CHMP5: variants seen among roughly 807,000 people sequenced by gnomAD.
The protein encoded by CHMP5 is SNF7 domain containing 2.
A neutral mutation model predicts 33.0 loss-of-function variants in CHMP5; 17 were observed. The observed-to-expected ratio is 0.52, with a 90% CI of 0.35 to 0.77. The LOEUF (loss-of-function observed/expected upper bound fraction) is 0.77. Among genes scored for constraint, CHMP5 ranks in the 30% least tolerant of loss-of-function variants. The probability of loss-of-function intolerance (pLI) is 0.01; values close to 1 mark genes in which losing one functional copy is unlikely to be tolerated. For synonymous variants in CHMP5, 76 were observed against 90.2 expected, an observed-to-expected ratio of 0.84 and a Z score of 0.89; for missense variants, 216 against 261.5, an observed-to-expected ratio of 0.83 and a Z score of 1.20.
intron 5 of CHMP5, among the ~76,000 whole-genome samples, chr9:33,275,706 G>A (rs75620225): frequency 0.022 from 3,380 of 152,192 alleles, 147 homozygotes; most frequent in African/African-American, 0.077. Flanking sequence ...GGGCTTCCAT[G>A]AGGCACTTTA....
At chr9:33,280,763 A>G in intron 7 of CHMP5, 46 bp from the exon 8 acceptor site, 1 of 1,437,106 alleles carries the variant, frequency 7.0e-7, no homozygotes, top group African/African-American at 1.5e-5. Context: ...TTTTTTTTTT[A>G]TCAAATAGAA....
At position 33,275,719 on chromosome 9, in the gene CHMP5, A is replaced by G. The variant is rs548877395; in HGVS notation, c.388-737A>G. ...TTGGGCTTCCATGAGGCACTTTAAAATCAAATCCAGCCGGGCACAGTAGCT... is the reference window on the plus strand; with the variant it reads ...TTGGGCTTCCATGAGGCACTTTAAAGTCAAATCCAGCCGGGCACAGTAGCT... On this transcript the variant is annotated intron_variant, in intron 5 of 7. Coordinates refer to ENST00000223500, the MANE Select transcript of CHMP5 (RefSeq NM_016410.6). Among the ~76,000 whole-genome samples, 4 of 152,078 alleles carry G rather than the reference A, an allele frequency of 2.6e-5. 1 individual carries two copies. Among genetic ancestry groups the G allele is most frequent in the South Asian group, 4.1e-4 (2 of 4,822 alleles).
At chr9:33,275,543 A>G (rs576049265) in intron 5 of CHMP5, among the ~76,000 whole-genome samples, 1 of 152,318 alleles carries the variant, frequency 6.6e-6, no homozygotes, top group African/African-American at 2.4e-5. Context: ...TGACTTGAGA[A>G]GAATAATTTG....
At chr9:33,266,191 G>T in intron 2 of CHMP5, 77 bp downstream of exon 2, 1 of 948,958 alleles carries the variant, frequency 1.1e-6, no homozygotes, top group Non-Finnish European at 1.7e-6. Context: ...GGCCTAGTTC[G>T]GCTGGGCGCA....
Position 33,271,164 on chromosome 9 carries a change from A to G in CHMP5, c.328A>G (p.Lys110Glu). The change falls in exon 5 of 8, where the codon AAA (lysine) becomes GAA (glutamate). Residue 110 changes from lysine to glutamate, a missense_variant. Physicochemically the swap from Lys to Glu is moderately conservative, Grantham distance 56. Transcript: ENST00000223500. The stretch of plus-strand genomic sequence containing the variant: ...TTCCTTTTCTTAGGTTGATGCTATG[A>G]AACTGGGAGTAAAGGAAATGAAGAA... ...KDTKTTVDAM[K>E]LGVKEMKKAY... The G allele has an allele frequency of 1.2e-6, 2 of 1,613,436 alleles. No homozygotes were observed. The highest frequency in any genetic ancestry group is 1.7e-6 in the Non-Finnish European group (2 of 1,179,290).
At chr9:33,274,171 G>C (rs1281732561) in intron 5 of CHMP5, among the ~76,000 whole-genome samples, 2 of 151,964 alleles carry the variant, frequency 1.3e-5, no homozygotes, top group African/African-American at 2.4e-5. Flanking sequence ...TGCCTCCCAG[G>C]CTCAAGCCAT....
At position 33,267,898 on chromosome 9, in the gene CHMP5, A is replaced by T. The variant is rs770488076; in HGVS notation, c.220A>T (p.Met74Leu). 2.5e-6 allele frequency: 4 copies of T among 1,605,868 alleles called. No homozygotes were observed. The South Asian group carries it at 3.3e-5, about 13-fold the overall frequency. The change falls in exon 3 of 8, where the codon ATG becomes TTG. Residue 74 changes from methionine to leucine, a missense_variant and splice_region_variant. Physicochemically the swap from Met to Leu is conservative, Grantham distance 15. Transcript: ENST00000223500. Reference protein sequence around the residue: ...KALRVLKQKRMYEQQRDNLAQ... With the variant: ...KALRVLKQKRLYEQQRDNLAQ... ...CTTGCGAGTTTTAAAGCAAAAGAGG[A>T]TGTAAGTTACACACACAATTTCTAC...
rs1820719083 is a variant in CHMP5, at chr9:33,266,126, A to C, written c.174+12A>C. On this transcript the variant is annotated intron_variant, in intron 2 of 7. Coordinates refer to ENST00000223500, the MANE Select transcript of CHMP5 (RefSeq NM_016410.6). ...AGGGTCCTGCAAAGGTAAGGTGGGC[A>C]GCAACTGCTGCACAAGGTGCTGGCA... The C allele has an allele frequency of 5.1e-6, 8 of 1,571,460 alleles. No individual in the cohort carries two copies. The highest frequency in any genetic ancestry group is 6.1e-6 in the Non-Finnish European group (7 of 1,141,996).
Position 33,281,162 on chromosome 9 carries a change from T to G in CHMP5, c.*303T>G, listed in dbSNP as rs145682852. On this transcript the variant is annotated 3_prime_UTR_variant, in exon 8 of 8. Transcript: ENST00000223500. ...TTGAAATAAAACTAAGGAAATGGAA[T>G]CTTAAAAGTCTATGACAGTGTAACT... is the stretch of plus-strand genomic sequence containing the variant. The G allele has an allele frequency of 7.0e-6, 2 of 287,362 alleles. No homozygotes were observed. Among genetic ancestry groups the G allele is most frequent in the Non-Finnish European group, 6.4e-6 (1 of 155,096 alleles). The allele number at this position is 287,362 out of a possible 1,614,324, so 17.8% of individuals were successfully genotyped here. A position where few individuals can be genotyped will look rare whatever the true frequency, so the allele number is the denominator to read the frequency against.
chr9:33,279,560 T>A (rs1197968), intron 7 of CHMP5, among the ~76,000 whole-genome samples: 2 of 152,126 alleles, frequency 1.3e-5, no homozygotes, highest in Non-Finnish European at 2.9e-5. Context: ...TTGTTAATTT[T>A]CTAGTAACAA....
Position 33,280,996 on chromosome 9 carries a change from T to C in CHMP5, c.*137T>C, listed in dbSNP as rs1273521614. 3.5e-6 allele frequency: 2 copies of C among 568,194 alleles called. No homozygotes were observed. Among genetic ancestry groups the C allele is most frequent in the Non-Finnish European group, 6.0e-6 (2 of 335,716 alleles). The allele number at this position is 568,194 out of a possible 1,614,324, so 35.2% of individuals were successfully genotyped here. A position where few individuals can be genotyped will look rare whatever the true frequency, so the allele number is the denominator to read the frequency against. Reference sequence around the variant, plus strand: ...GGAAAGTTTAATTACATTGCTCTTTTATTTTTTCCATTAAGAGACTCATTG... The same window carrying C: ...GGAAAGTTTAATTACATTGCTCTTTCATTTTTTCCATTAAGAGACTCATTG... On this transcript the variant is annotated 3_prime_UTR_variant, in exon 8 of 8. Coordinates refer to ENST00000223500, the MANE Select transcript of CHMP5 (RefSeq NM_016410.6).
intron 5 of CHMP5, among the ~76,000 whole-genome samples, chr9:33,274,498 T>A (rs1393348292): frequency 2.0e-5 from 3 of 152,236 alleles, no homozygotes; most frequent in Non-Finnish European, 4.4e-5. Flanking sequence ...ATGAAGAGTG[T>A]ATTGTTGTTC....
chr9:33,280,694 TG>T lies in CHMP5; in HGVS notation c.610-113del, dbSNP rs1820911549. On this transcript the variant is annotated intron_variant, in intron 7 of 7. Transcript: ENST00000223500. ...TGTTCTCATCTTATGACTGCGATTT[TG>T]GTTTTGATTGATTAAATACTTGGAA... 26 of 884,022 alleles carry T rather than the reference TG, an allele frequency of 2.9e-5. No homozygotes were observed. The South Asian group carries it at 4.2e-4, about 14-fold the overall frequency. 54.8% of individuals were successfully genotyped at this position (884,022 alleles called of 1,614,324 possible).
At chr9:33,279,659 C>T (rs1428029941) in intron 7 of CHMP5, among the ~76,000 whole-genome samples, 2 of 151,856 alleles carry the variant, frequency 1.3e-5, no homozygotes, top group East Asian at 2.0e-4. Flanking sequence ...GTCAAGAGAT[C>T]GAGACCATCC....
intron 3 of CHMP5, among the ~76,000 whole-genome samples, chr9:33,269,364 C>T (rs1183388814): frequency 2.6e-5 from 4 of 152,158 alleles, no homozygotes; most frequent in East Asian, 3.9e-4. Flanking sequence ...ATTAGCTGGG[C>T]GTGTTTGCAT....
intron 3 of CHMP5, among the ~76,000 whole-genome samples, chr9:33,268,666 A>C (rs751306773): frequency 5.9e-5 from 9 of 152,224 alleles, no homozygotes; most frequent in Non-Finnish European, 8.8e-5. Context: ...GAAATGATTT[A>C]CCTTCTTAAT....
chr9:33,271,808 ATC>A (rs1178611460), intron 5 of CHMP5, among the ~76,000 whole-genome samples: 1 of 152,230 alleles, frequency 6.6e-6, no homozygotes, highest in Non-Finnish European at 1.5e-5. Flanking sequence ...ATGAGCTAGT[ATC>A]TCTACACACA....
At chr9:33,277,390 GA>G (rs1241176604) in intron 6 of CHMP5, among the ~76,000 whole-genome samples, 1 of 152,110 alleles carries the variant, frequency 6.6e-6, no homozygotes, top group East Asian at 1.9e-4. Flanking sequence ...CTATAGGGAA[GA>G]AGTATGGGGT....
chr9:33,265,154 A>G lies in CHMP5; in HGVS notation c.69+7A>G. The stretch of plus-strand genomic sequence containing the variant: ...GACTGACTGCATTGGCACGGTGGGC[A>G]TTTGATCATGCATAAGTAGGCTCAG... On this transcript the variant is annotated splice_region_variant and intron_variant, in intron 1 of 7. Coordinates refer to ENST00000223500, the MANE Select transcript of CHMP5 (RefSeq NM_016410.6). 1 of 1,613,894 alleles carries G rather than the reference A, an allele frequency of 6.2e-7. No individual in the cohort carries two copies. The highest frequency in any genetic ancestry group is 8.5e-7 in the Non-Finnish European group (1 of 1,179,890).
Sources: allele counts gnomAD v4.1 joint callset (sites outside exome capture counted in the v4.1 genomes callset), GRCh38; gene constraint gnomAD v4.1.1; transcripts MANE v1.5; gene names NCBI Gene and HGNC (gene_info 2026-07-23, HGNC 2026-07-21).